Variants in SAV1 observed in about 807,000 individuals in gnomAD.
SAV1 encodes protein salvador homolog 1.
Under a neutral mutation model 47.3 loss-of-function variants are expected in SAV1, and 23 were observed. The ratio of observed to expected loss-of-function variants is 0.49; its 90% confidence interval spans 0.35 to 0.69. The LOEUF (loss-of-function observed/expected upper bound fraction) is 0.69, where lower values mean the gene tolerates loss of function less well. Among genes scored for constraint, SAV1 ranks in the 30% least tolerant of loss-of-function variants. The pLI, the probability that SAV1 is intolerant of heterozygous loss-of-function variation, is 0.01. For synonymous variants in SAV1, 155 were observed against 159.2 expected, an observed-to-expected ratio of 0.97 and a Z score of 0.20; for missense variants, 448 against 457.4, an observed-to-expected ratio of 0.98 and a Z score of 0.19.
At chr14:50,665,856 T>C (rs1279811116) in intron 1 of SAV1, among the ~76,000 whole-genome samples, 1 of 152,204 alleles carries the variant, frequency 6.6e-6, no homozygotes, top group African/African-American at 2.4e-5. Flanking sequence ...AAAGCTCAGC[T>C]AGAATAAAAT....
intron 2 of SAV1, among the ~76,000 whole-genome samples, chr14:50,653,329 GCAAA>G (rs949752084): frequency 1.3e-5 from 2 of 152,140 alleles, no homozygotes; most frequent in Non-Finnish European, 2.9e-5. Flanking sequence ...TTCTGAAATA[GCAAA>G]CAAAGGAAAA....
intron 2 of SAV1, among the ~76,000 whole-genome samples, chr14:50,650,456 A>G (rs1397184294): frequency 6.6e-6 from 1 of 152,226 alleles, no homozygotes; most frequent in East Asian, 1.9e-4. Flanking sequence ...CCAGCCAGTA[A>G]GGTGAACCTG....
At chr14:50,657,109 C>G (rs2039819680) in intron 2 of SAV1, among the ~76,000 whole-genome samples, 1 of 151,344 alleles carries the variant, frequency 6.6e-6, no homozygotes. Flanking sequence ...TCACTGCACC[C>G]TCCACACCGC....
intron 4 of SAV1, among the ~76,000 whole-genome samples, chr14:50,636,052 T>G (rs1595632172): frequency 6.6e-6 from 1 of 152,194 alleles, no homozygotes; most frequent in African/African-American, 2.4e-5. Context: ...TAATATTACT[T>G]CATTTCAATT....
intron 1 of SAV1, 40 bp downstream of exon 1, chr14:50,667,834 C>T (rs748432736): frequency 3.8e-6 from 6 of 1,578,328 alleles, no homozygotes; most frequent in Admixed American, 1.8e-5. Flanking sequence ...AGCACCTGGC[C>T]GCCTGGGCCA....
intron 2 of SAV1, among the ~76,000 whole-genome samples, chr14:50,649,106 G>A (rs2039746665): frequency 6.6e-6 from 1 of 152,026 alleles, no homozygotes; most frequent in Non-Finnish European, 1.5e-5. Flanking sequence ...GCAGGTACTG[G>A]CTGTTTATTC....
chr14:50,643,402 G>A (rs1027943015), intron 3 of SAV1, among the ~76,000 whole-genome samples: 8 of 152,206 alleles, frequency 5.3e-5, no homozygotes, highest in South Asian at 2.1e-4. Flanking sequence ...CACATCTTAC[G>A]TGGTGGCAGG....
In SAV1 at chr14:50,635,001, T is replaced by C. The variant is rs547959898; in HGVS notation, c.*182A>G. On this transcript the variant is annotated 3_prime_UTR_variant, in exon 5 of 5. Transcript: ENST00000324679. Reference sequence around the variant, plus strand: ...GTGTTTGCCATATTGGCTCTTAAAATGATAGACTAATTTTTCTCATTCAAT... The same window carrying C: ...GTGTTTGCCATATTGGCTCTTAAAACGATAGACTAATTTTTCTCATTCAAT... The C allele has an allele frequency of 3.2e-5, 19 of 587,184 alleles. No homozygotes were observed. The Middle Eastern group carries it at 1.8e-3, about 57-fold the overall frequency. The allele number at this position is 587,184 out of a possible 1,614,324, so 36.4% of individuals were successfully genotyped here.
intron 2 of SAV1, among the ~76,000 whole-genome samples, chr14:50,651,773 T>C (rs1299910882): frequency 1.3e-5 from 2 of 152,070 alleles, no homozygotes; most frequent in Non-Finnish European, 2.9e-5. Flanking sequence ...ACTATGGGCA[T>C]GCACCACCAA....
intron 4 of SAV1, among the ~76,000 whole-genome samples, chr14:50,639,676 A>AT (rs957281108): frequency 2.6e-5 from 4 of 152,312 alleles, no homozygotes; most frequent in African/African-American, 9.6e-5. Context: ...CAGGAATTCC[A>AT]TTTAAGTACT....
Position 50,635,723 on chromosome 14 carries a change from T to G in SAV1, c.951-339A>C, listed in dbSNP as rs8004443. On this transcript the variant is annotated intron_variant, in intron 4 of 4. Coordinates refer to ENST00000324679, the MANE Select transcript of SAV1 (RefSeq NM_021818.4). ...TACATATAATTCTTTGTTGGTTTGT[T>G]TTTTTGAGACAGAGTCTTGCTATGT... Among the ~76,000 whole-genome samples the G allele has an allele frequency of 3.6e-3, 555 of 152,300 alleles. 3 individuals are homozygous for G. Among genetic ancestry groups the G allele is most frequent in the African/African-American group, 0.012 (515 of 41,562 alleles).
chr14:50,654,356 C>T (rs2039794714), intron 2 of SAV1, among the ~76,000 whole-genome samples: 1 of 152,148 alleles, frequency 6.6e-6, no homozygotes, highest in Admixed American at 6.5e-5. Context: ...CTCAAGAAAC[C>T]ACTTTCTTTG....
chr14:50,656,690 T>C (rs2039815562), intron 2 of SAV1, among the ~76,000 whole-genome samples: 1 of 152,134 alleles, frequency 6.6e-6, no homozygotes, highest in South Asian at 2.1e-4. Flanking sequence ...GATCCGCCCG[T>C]CTCAGCCTCC....
At chr14:50,667,801 G>A (rs1321067801) in intron 1 of SAV1, 73 bp downstream of exon 1, 5 of 1,235,214 alleles carry the variant, frequency 4.0e-6, no homozygotes, top group South Asian at 2.5e-5. Context: ...GAGACCCGCC[G>A]GCGCCCCCGC....
intron 3 of SAV1, among the ~76,000 whole-genome samples, chr14:50,643,890 A>C (rs2039700150): frequency 6.6e-6 from 1 of 152,246 alleles, no homozygotes. Flanking sequence ...TTCTAAGAAA[A>C]TACAAATGTC....
intron 2 of SAV1, among the ~76,000 whole-genome samples, chr14:50,647,655 C>T (rs559276740): frequency 2.0e-5 from 3 of 152,170 alleles, no homozygotes; most frequent in African/African-American, 7.2e-5. Flanking sequence ...CCGAAGACAA[C>T]ATATTGATGG....
chr14:50,636,441 GAAGGA>G (rs1464058983), intron 4 of SAV1, among the ~76,000 whole-genome samples: 1 of 152,134 alleles, frequency 6.6e-6, no homozygotes, highest in South Asian at 2.1e-4. Flanking sequence ...GAAAACTAAA[GAAGGA>G]AAGAATAAAC....
intron 2 of SAV1, among the ~76,000 whole-genome samples, chr14:50,653,305 G>T (rs549429728): frequency 6.6e-6 from 1 of 152,212 alleles, no homozygotes; most frequent in African/African-American, 2.4e-5. Flanking sequence ...GGTGGCTAGG[G>T]TATCAATTCA....
At chr14:50,640,664 G>T in intron 4 of SAV1, 86 bp downstream of exon 4, 1 of 1,177,588 alleles carries the variant, frequency 8.5e-7, no homozygotes, top group Non-Finnish European at 1.2e-6. Flanking sequence ...GTAAAATATG[G>T]CACACTACTT....
Sources: gnomAD v4.1 joint callset for allele counts (sites outside exome capture counted in the v4.1 genomes callset) on GRCh38, gnomAD v4.1.1 for gene constraint, MANE v1.5 for transcripts, NCBI Gene and HGNC (gene_info 2026-07-23, HGNC 2026-07-21) for gene names.